Variants in CSMD1 observed in about 807,000 individuals in gnomAD.
CSMD1 encodes CUB and sushi domain-containing protein 1.
A neutral mutation model predicts 417.5 loss-of-function variants in CSMD1; 213 were observed. That is an observed-to-expected ratio of 0.51 (90% confidence interval 0.46 to 0.57). CSMD1 has a LOEUF of 0.57. Ranked by LOEUF, CSMD1 falls within the 20% of genes least tolerant of loss-of-function variation. CSMD1 has a pLI of 0.00. For synonymous variants in CSMD1, 2,862 were observed against 1,736.8 expected, an observed-to-expected ratio of 1.65 and a Z score of -16.11; for missense variants, 6,923 against 4,529.7, an observed-to-expected ratio of 1.53 and a Z score of -15.17.
intron 1 of CSMD1, among the ~76,000 whole-genome samples, chr8:4,983,860 T>A (rs914417618): frequency 2.0e-5 from 3 of 151,942 alleles, no homozygotes; most frequent in African/African-American, 7.3e-5. Flanking sequence ...AGAAGTGGAC[T>A]CAAAGATGGG....
At chr8:4,046,973 C>T (rs892427560) in intron 3 of CSMD1, among the ~76,000 whole-genome samples, 1 of 152,170 alleles carries the variant, frequency 6.6e-6, no homozygotes, top group Admixed American at 6.5e-5. Context: ...ATCTCATGCT[C>T]TTTTCTTTCC....
At chr8:3,359,559 T>C (rs939893271) in intron 20 of CSMD1, among the ~76,000 whole-genome samples, 6 of 150,692 alleles carry the variant, frequency 4.0e-5, no homozygotes, top group African/African-American at 1.5e-4. Context: ...TTTTTAAGAA[T>C]TGACAGGTAA....
intron 10 of CSMD1, among the ~76,000 whole-genome samples, chr8:3,549,251 C>T (rs993322271): frequency 6.6e-6 from 1 of 152,218 alleles, no homozygotes; most frequent in African/African-American, 2.4e-5. Flanking sequence ...GTTGTGGAGA[C>T]CACAAAGGCG....
At chr8:4,814,904 A>G (rs1194839964) in intron 1 of CSMD1, among the ~76,000 whole-genome samples, 1 of 152,218 alleles carries the variant, frequency 6.6e-6, no homozygotes, top group Non-Finnish European at 1.5e-5. Flanking sequence ...TATAATCACA[A>G]AACTACGTAT....
At chr8:4,373,215 G>A (rs143189651) in intron 3 of CSMD1, among the ~76,000 whole-genome samples, 1 of 152,120 alleles carries the variant, frequency 6.6e-6, no homozygotes. Context: ...CAAACAAGAG[G>A]AGTCTGAGAA....
At chr8:4,457,333 G>A (rs201896715) in intron 2 of CSMD1, among the ~76,000 whole-genome samples, 46 of 152,172 alleles carry the variant, frequency 3.0e-4, no homozygotes, top group African/African-American at 9.6e-4. Context: ...GAGTGCTTGG[G>A]ACACCGGAGA....
chr8:3,331,419 G>C (rs1414701195), intron 23 of CSMD1, among the ~76,000 whole-genome samples: 2 of 152,128 alleles, frequency 1.3e-5, no homozygotes, highest in Non-Finnish European at 2.9e-5. Flanking sequence ...ATCTGATGCG[G>C]TGAAAACACA....
chr8:4,666,084 T>A (rs1437952679), intron 1 of CSMD1, among the ~76,000 whole-genome samples: 2 of 152,120 alleles, frequency 1.3e-5, no homozygotes, highest in Non-Finnish European at 2.9e-5. Flanking sequence ...TCATTTTGCT[T>A]CTAGGTAACG....
chr8:4,123,759 T>C (rs947684056), intron 3 of CSMD1, among the ~76,000 whole-genome samples: 13 of 152,220 alleles, frequency 8.5e-5, no homozygotes, highest in Admixed American at 6.5e-4. Flanking sequence ...TATGCTGTGA[T>C]AATTTACTGA....
intron 2 of CSMD1, among the ~76,000 whole-genome samples, chr8:4,426,429 A>C (rs950715691): frequency 2.0e-5 from 3 of 148,862 alleles, no homozygotes; most frequent in Non-Finnish European, 4.5e-5. Flanking sequence ...TATCATAAAC[A>C]TATACTATAT....
chr8:3,546,266 A>G (rs1285928965), intron 10 of CSMD1, among the ~76,000 whole-genome samples: 1 of 105,274 alleles, frequency 9.5e-6, no homozygotes, highest in Non-Finnish European at 2.0e-5. Context: ...TTTTTCCTCT[A>G]TTATTAAAAA....
At chr8:4,290,481 C>T (rs985525261) in intron 3 of CSMD1, among the ~76,000 whole-genome samples, 1 of 152,128 alleles carries the variant, frequency 6.6e-6, no homozygotes, top group Admixed American at 6.5e-5. Flanking sequence ...AGGGACACTG[C>T]ATCTTTCATA....
At chr8:4,970,829 T>G (rs7004026) in intron 1 of CSMD1, among the ~76,000 whole-genome samples, 4 of 151,892 alleles carry the variant, frequency 2.6e-5, no homozygotes, top group Non-Finnish European at 5.9e-5. Context: ...GCTCTAGTCA[T>G]CAAAATCAAA....
chr8:4,178,606 A>C (rs1425485570), intron 3 of CSMD1, among the ~76,000 whole-genome samples: 1 of 151,822 alleles, frequency 6.6e-6, no homozygotes, highest in Non-Finnish European at 1.5e-5. Context: ...GAAGGAAATA[A>C]AGGGTATTCA....
intron 2 of CSMD1, among the ~76,000 whole-genome samples, chr8:4,547,957 G>C (rs530313202): frequency 1.3e-5 from 2 of 152,112 alleles, no homozygotes; most frequent in Non-Finnish European, 2.9e-5. Flanking sequence ...AACAAAAGAA[G>C]GGTAATTACA....
chr8:3,817,257 T>C (rs1367996317), intron 5 of CSMD1, among the ~76,000 whole-genome samples: 1 of 15,958 alleles, frequency 6.3e-5, no homozygotes, highest in Admixed American at 3.9e-4. Flanking sequence ...TTCTTCTTTT[T>C]TTTTTTTTTT....
chr8:3,815,366 G>C (rs966032031), intron 5 of CSMD1, among the ~76,000 whole-genome samples: 2 of 152,154 alleles, frequency 1.3e-5, no homozygotes, highest in Admixed American at 6.5e-5. Context: ...TTAGAGAACT[G>C]TGTTAAAACT....
intron 21 of CSMD1, among the ~76,000 whole-genome samples, chr8:3,350,498 G>A (rs563871390): frequency 1.3e-5 from 2 of 152,044 alleles, no homozygotes; most frequent in South Asian, 4.1e-4. Flanking sequence ...TACTCATAAA[G>A]GGAATAGCAC....
chr8:4,502,729 T>A (rs1161112063), intron 2 of CSMD1, among the ~76,000 whole-genome samples: 1 of 152,206 alleles, frequency 6.6e-6, no homozygotes, highest in Non-Finnish European at 1.5e-5. Context: ...TAACAGCAGA[T>A]CTTTGCTTTT....
Sources: gnomAD v4.1 joint callset for allele counts (sites outside exome capture counted in the v4.1 genomes callset) on GRCh38, gnomAD v4.1.1 for gene constraint, MANE v1.5 for transcripts, NCBI Gene and HGNC (gene_info 2026-07-23, HGNC 2026-07-21) for gene names.